Variants in DYNC2LI1 observed in about 807,000 individuals in gnomAD.
The protein encoded by DYNC2LI1 is dynein cytoplasmic 2 light intermediate chain 1.
DYNC2LI1 carries 45 observed loss-of-function variants against 51.9 expected under a neutral mutation model. The ratio of observed to expected loss-of-function variants is 0.87; its 90% CI spans 0.68 to 1.11. The LOEUF (loss-of-function observed/expected upper bound fraction) is 1.11, where lower values mean the gene tolerates loss of function less well. DYNC2LI1 is among the 50% of genes most tolerant of loss of function. DYNC2LI1 has a pLI of 0.00. For missense variants in DYNC2LI1, 490 were observed against 417.4 expected (o/e 1.17, Z -1.51); for synonymous variants, 130 against 137.8 (o/e 0.94, Z 0.40).
chr2:43,796,062 G>A (rs1043561520), intron 7 of DYNC2LI1, 104 bp downstream of exon 7: 1 of 849,258 alleles, frequency 1.2e-6, no homozygotes, highest in African/African-American at 1.7e-5. Context: ...AATTATTGAA[G>A]GAATCGGTTA....
chr2:43,795,768 A>T, intron 6 of DYNC2LI1, 122 bp from the exon 7 acceptor site: 1 of 729,758 alleles, frequency 1.4e-6, no homozygotes, highest in Non-Finnish European at 2.3e-6. Context: ...TTCTATGTCA[A>T]GCAAATTAAG....
chr2:43,810,776 G>A (rs751879257), downstream of DYNC2LI1, among the ~76,000 whole-genome samples: 10 of 152,128 alleles, frequency 6.6e-5, no homozygotes, highest in African/African-American at 1.4e-4. Context: ...TTTAGCACAC[G>A]TTTCTTGCTG....
At position 43,785,255 on chromosome 2, in the gene DYNC2LI1, C is replaced by T. The variant is rs911908214; in HGVS notation, c.161+1701C>T. Among the ~76,000 whole-genome samples, 7 of 152,026 alleles carry T rather than the reference C, an allele frequency of 4.6e-5. No individual in the cohort carries two copies. In the South Asian group the frequency reaches 8.3e-4, roughly 18 times the overall value. Reference sequence around the variant, plus strand: ...TTGAGGCTGCAGTGAGCTGTGATCGCGCCACTGCATTCTAGCCTGCATGAC... The same window carrying T: ...TTGAGGCTGCAGTGAGCTGTGATCGTGCCACTGCATTCTAGCCTGCATGAC... On this transcript the variant is annotated intron_variant, in intron 3 of 12. Transcript: ENST00000260605.
chr2:43,775,328 G>A (rs531408638), intron 1 of DYNC2LI1, among the ~76,000 whole-genome samples: 149 of 152,258 alleles, frequency 9.8e-4, no homozygotes, highest in African/African-American at 3.5e-3. Context: ...GGACCTATCA[G>A]GTCTTGCCCA....
At chr2:43,826,170 T>C in the DYNC2LI1 span, among the ~76,000 whole-genome samples, 5 of 151,650 alleles carry the variant, frequency 3.3e-5, no homozygotes, top group South Asian at 2.1e-4. Context: ...TTCTTTCTTT[T>C]TTTTTTTTTT....
the DYNC2LI1 span, chr2:43,824,040 G>A: frequency 1.9e-6 from 3 of 1,614,170 alleles, no homozygotes; most frequent in Non-Finnish European, 2.5e-6. Context: ...AGAAAAGGAG[G>A]AACAAACCCA....
intron 5 of DYNC2LI1, among the ~76,000 whole-genome samples, chr2:43,790,914 T>C (rs1673752426): frequency 6.6e-6 from 1 of 152,078 alleles, no homozygotes; most frequent in Non-Finnish European, 1.5e-5. Context: ...AGTGGTGTGG[T>C]TGAGAAGAGA....
rs751470646 is a variant in DYNC2LI1 at position 43,801,667 on chromosome 2, C to G, written c.760C>G (p.Pro254Ala). Residue 254 changes from proline (P) to alanine (A), a missense_variant, in exon 10 of 13, where the codon CCG (proline) becomes GCG (alanine). Pro to Ala is a conservative substitution (Grantham distance 27, BLOSUM62 -1). Coordinates refer to ENST00000260605, the MANE Select transcript of DYNC2LI1 (RefSeq NM_016008.4). ...ATCAATATGTGTGGATCAGAATAAACCGCTGTTTATCACAGCAGGATTGGA... is the reference window on the plus strand; with the variant it reads ...ATCAATATGTGTGGATCAGAATAAAGCGCTGTTTATCACAGCAGGATTGGA... Reference protein sequence around the residue: ...SKSICVDQNKPLFITAGLDSF... With the variant: ...SKSICVDQNKALFITAGLDSF... The G allele has an allele frequency of 1.9e-6, 3 of 1,610,094 alleles. No homozygotes were observed. In the African/African-American group the frequency reaches 4.0e-5, roughly 22 times the overall value.
intron 2 of DYNC2LI1, among the ~76,000 whole-genome samples, chr2:43,780,107 T>C (rs143012125): frequency 1.8e-3 from 273 of 152,288 alleles, no homozygotes; most frequent in African/African-American, 6.3e-3. Context: ...AAGAGGGGTG[T>C]CAATGGACAT....
chr2:43,802,360 T>G (rs1666102967), intron 10 of DYNC2LI1, among the ~76,000 whole-genome samples: 1 of 151,330 alleles, frequency 6.6e-6, no homozygotes, highest in African/African-American at 2.4e-5. Flanking sequence ...TTTAAAACTC[T>G]AATGGGCAGT....
the DYNC2LI1 span, chr2:43,828,097 C>G: frequency 1.9e-6 from 3 of 1,614,050 alleles, no homozygotes; most frequent in Non-Finnish European, 2.5e-6. Flanking sequence ...AGACTCAGCT[C>G]TGCCATGACG....
chr2:43,814,441 A>G (rs761349099), downstream of DYNC2LI1: 3 of 1,369,074 alleles, frequency 2.2e-6, no homozygotes, highest in Admixed American at 5.0e-5. Flanking sequence ...CCTCAGAGTA[A>G]CATGCAAAAA....
Position 43,808,274 on chromosome 2 carries a change from A to AC in DYNC2LI1, c.994-1431_994-1430insC, listed in dbSNP as rs201657568. Among the ~76,000 whole-genome samples the AC allele has an allele frequency of 2.2e-3, 332 of 151,880 alleles. 1 individual carries two copies. The highest frequency in any genetic ancestry group is 7.3e-3 in the African/African-American group (301 of 41,410). On this transcript the variant is annotated intron_variant, in intron 12 of 12. Coordinates refer to ENST00000260605, the MANE Select transcript of DYNC2LI1 (RefSeq NM_016008.4). ...ATGAGGAAGTTAAAGGAAAAAAAAA[A>AC]ACACACAAGGAAAAATTCTTCCTAA... is the stretch of plus-strand genomic sequence containing the variant.
At chr2:43,799,250 TATG>T (rs1001597795) in intron 8 of DYNC2LI1, among the ~76,000 whole-genome samples, 2 of 152,026 alleles carry the variant, frequency 1.3e-5, no homozygotes, top group Non-Finnish European at 1.5e-5. Context: ...TGCAGTGAGT[TATG>T]ATCACACTGC....
At chr2:43,801,133 T>G (rs189132342) in intron 9 of DYNC2LI1, 2 of 160,588 alleles carry the variant, frequency 1.2e-5, no homozygotes, top group Admixed American at 6.5e-5. Flanking sequence ...TTATTATTTA[T>G]TTTGTCAAGA....
chr2:43,811,524 C>T, downstream of DYNC2LI1, among the ~76,000 whole-genome samples: 1 of 152,118 alleles, frequency 6.6e-6, no homozygotes, highest in Non-Finnish European at 1.5e-5. Context: ...AACACTGAGA[C>T]AGTTTCATTT....
intron 6 of DYNC2LI1, chr2:43,795,094 C>T: frequency 1.0e-6 from 1 of 1,003,442 alleles, no homozygotes; most frequent in East Asian, 1.0e-4. Flanking sequence ...ATCTTTTTAT[C>T]ATCTGACAGC....
intron 5 of DYNC2LI1, among the ~76,000 whole-genome samples, chr2:43,791,778 A>G (rs1460671131): frequency 6.6e-6 from 1 of 152,236 alleles, no homozygotes; most frequent in Non-Finnish European, 1.5e-5. Flanking sequence ...CTGTTTATAG[A>G]ATTATAAATG....
intron 8 of DYNC2LI1, among the ~76,000 whole-genome samples, chr2:43,800,289 C>A (rs774637129): frequency 1.3e-5 from 2 of 152,122 alleles, no homozygotes; most frequent in Non-Finnish European, 1.5e-5. Context: ...TGAAAATATT[C>A]AGTAGCTTAG....
Sources: allele counts gnomAD v4.1 joint callset (sites outside exome capture counted in the v4.1 genomes callset), GRCh38; gene constraint gnomAD v4.1.1; transcripts MANE v1.5; gene names NCBI Gene and HGNC (gene_info 2026-07-23, HGNC 2026-07-21).